SLC28A3: variants seen among roughly 807,000 people sequenced by gnomAD.
SLC28A3 encodes the protein concentrative Na(+)-nucleoside cotransporter 3.
SLC28A3 carries 68 observed loss-of-function variants against 84.2 expected under a neutral mutation model. The observed-to-expected ratio is 0.81, with a 90% confidence interval of 0.66 to 0.99. SLC28A3 has a LOEUF of 0.99. SLC28A3 is among the 50% of genes least tolerant of loss of function. SLC28A3 has a pLI of 0.00. For missense variants in SLC28A3, 712 were observed against 841.5 expected (o/e 0.85, Z 1.90); for synonymous variants, 267 against 303.6 (o/e 0.88, Z 1.25).
rs1554726630 is a variant in SLC28A3, at chr9:84,307,445, A to AACAAAAAAAG, written c.243-2101_243-2100insCTTTTTTTGT. 8.1e-4 allele frequency among the ~76,000 whole-genome samples: 118 copies of AACAAAAAAAG among 146,434 alleles called. 1 individual carries two copies. The highest frequency in any genetic ancestry group is 1.5e-3 in the South Asian group (7 of 4,628). On this transcript the variant is annotated intron_variant, in intron 3 of 17. Transcript: ENST00000376238. ...GACTCCATCTCAAAAAAAAAAAAAA[A>AACAAAAAAAG]CAAAAACAAAAACAAAAAGAAAGAA... is the stretch of plus-strand genomic sequence containing the variant.
chr9:84,320,057 T>TTTG (rs1826320361), intron 1 of SLC28A3, among the ~76,000 whole-genome samples: 2 of 135,332 alleles, frequency 1.5e-5, no homozygotes, highest in African/African-American at 5.9e-5. Context: ...TTTTTTTTTT[T>TTTG]TTTTTTTTTT....
chr9:84,310,952 A>G (rs1049181573), intron 2 of SLC28A3, among the ~76,000 whole-genome samples: 6 of 152,186 alleles, frequency 3.9e-5, no homozygotes, highest in African/African-American at 1.2e-4. Flanking sequence ...TAACATTACT[A>G]TTGTTGGCTC....
the SLC28A3 span, among the ~76,000 whole-genome samples, chr9:84,353,574 T>C: frequency 3.0e-3 from 461 of 152,104 alleles, 7 homozygotes; most frequent in African/African-American, 9.8e-3. Context: ...GCCAGGCGTG[T>C]TGATGCGCGC....
At chr9:84,348,702 G>T in the SLC28A3 span, among the ~76,000 whole-genome samples, 2 of 152,142 alleles carry the variant, frequency 1.3e-5, no homozygotes, top group African/African-American at 4.8e-5. Flanking sequence ...CCTCATAAAT[G>T]GATTAATGTG....
At chr9:84,337,022 G>C (rs113664798) in intron 1 of SLC28A3, among the ~76,000 whole-genome samples, 1 of 152,190 alleles carries the variant, frequency 6.6e-6, no homozygotes, top group Non-Finnish European at 1.5e-5. Flanking sequence ...GCTGGGTGTT[G>C]TGGCTCATGA....
chr9:84,347,204 TAAAAAAA>T, the SLC28A3 span, among the ~76,000 whole-genome samples: 14 of 62,424 alleles, frequency 2.2e-4, no homozygotes, highest in Admixed American at 3.8e-4. Context: ...AGACTCTGTC[TAAAAAAA>T]AAAAAAAAAA....
intron 12 of SLC28A3, among the ~76,000 whole-genome samples, chr9:84,287,390 T>G (rs2118120735): frequency 6.6e-6 from 1 of 152,186 alleles, no homozygotes; most frequent in African/African-American, 2.4e-5. Context: ...CACTCTGTTT[T>G]TTTTTCTTTT....
At chr9:84,329,603 T>C (rs115465219) in intron 1 of SLC28A3, among the ~76,000 whole-genome samples, 1,674 of 152,092 alleles carry the variant, frequency 0.011, 26 homozygotes, top group African/African-American at 0.038. Flanking sequence ...AAGAAATCAT[T>C]AGGGAAGTTA....
the SLC28A3 span, among the ~76,000 whole-genome samples, chr9:84,361,759 A>C: frequency 6.6e-6 from 1 of 151,862 alleles, no homozygotes; most frequent in African/African-American, 2.4e-5. Flanking sequence ...AAAAAAAAAA[A>C]ATAATAAGCT....
At chr9:84,342,127 C>CAAAAAAAAAAAAAAAAAAAAAAAA (rs200186519), upstream of SLC28A3, among the ~76,000 whole-genome samples, 4 of 68,756 alleles carry the variant, frequency 5.8e-5, no homozygotes, top group African/African-American at 1.2e-4. Flanking sequence ...GACCCTGTCT[C>CAAAAAAAAAAAAAAAAAAAAAAAA]AAAAAAAAAA....
chr9:84,292,496 TG>T, intron 10 of SLC28A3, 171 bp downstream of exon 10: 2 of 529,978 alleles, frequency 3.8e-6, no homozygotes, highest in Non-Finnish European at 6.6e-6. Context: ...TCTCTCTCTC[TG>T]TCTCTCTCTC....
chr9:84,323,426 A>AC, intron 1 of SLC28A3, among the ~76,000 whole-genome samples: 2 of 141,176 alleles, frequency 1.4e-5, no homozygotes, highest in Admixed American at 1.4e-4. Flanking sequence ...TCAGTACATG[A>AC]TTTTTTTTTT....
upstream of SLC28A3, among the ~76,000 whole-genome samples, chr9:84,344,385 C>T (rs1451847333): frequency 6.6e-6 from 1 of 151,900 alleles, no homozygotes; most frequent in African/African-American, 2.4e-5. Flanking sequence ...AACAGAATTT[C>T]ACCATGTTGG....
At position 84,320,040 on chromosome 9, in the gene SLC28A3, G is replaced by GTTTT. The variant is rs1182939298; in HGVS notation, c.61-6590_61-6587dup. Among the ~76,000 whole-genome samples the GTTTT allele has an allele frequency of 5.3e-3, 315 of 59,498 alleles. 46 individuals carry two copies. Among genetic ancestry groups the GTTTT allele is most frequent in the African/African-American group, 8.6e-3 (88 of 10,208 alleles). The allele number at this position is 59,498 out of a possible 152,430, so 39.0% of individuals were successfully genotyped here. A position where few individuals can be genotyped will look rare whatever the true frequency, so the allele number is the denominator to read the frequency against. On this transcript the variant is annotated intron_variant, in intron 1 of 17. Transcript: ENST00000376238. ...TACTCATTCCAGCCTGGCTTGCACT[G>GTTTT]TTTTTTTTTTTTTTTTTTTTTTTTT...
the SLC28A3 span, among the ~76,000 whole-genome samples, chr9:84,359,773 G>T: frequency 6.6e-6 from 1 of 152,150 alleles, no homozygotes; most frequent in Admixed American, 6.6e-5. Flanking sequence ...GCTGAGACTG[G>T]CAGGTTGCTT....
In SLC28A3 at chr9:84,279,348, A is replaced by T; in HGVS notation, c.1866T>A (p.His622Gln). ...AGTTGAAGGCATTCTCTAAAACGTG[A>T]TGGCAGTTGATGTCCACAGGAGTGC... ...LSSTPVDINC[H>Q]HVLENAFNST... is the part of the protein sequence containing the mutation. Residue 622 changes from histidine to glutamine, a missense_variant, in exon 17 of 18, where the codon CAT becomes CAA. Coordinates refer to ENST00000376238, the MANE Select transcript of SLC28A3 (RefSeq NM_001199633.2). 2 of 1,613,020 alleles carry T rather than the reference A, an allele frequency of 1.2e-6. No individual in the cohort carries two copies. Among genetic ancestry groups the T allele is most frequent in the Non-Finnish European group, 1.7e-6 (2 of 1,179,332 alleles).
At chr9:84,306,364 G>A (rs377621863) in intron 3 of SLC28A3, among the ~76,000 whole-genome samples, 4 of 152,082 alleles carry the variant, frequency 2.6e-5, no homozygotes, top group East Asian at 1.9e-4. Context: ...CAACAGTCTC[G>A]CCTGCACCTC....
At chr9:84,368,712 A>AAGG in the SLC28A3 span, among the ~76,000 whole-genome samples, 1 of 151,686 alleles carries the variant, frequency 6.6e-6, no homozygotes, top group African/African-American at 2.4e-5. Flanking sequence ...AAGAGGAAGG[A>AAGG]AGGAGTGTCT....
chr9:84,317,616 A>G (rs1434293561), intron 1 of SLC28A3, among the ~76,000 whole-genome samples: 1 of 152,050 alleles, frequency 6.6e-6, no homozygotes, highest in Non-Finnish European at 1.5e-5. Flanking sequence ...AGGTACCACC[A>G]CTGTGCTAGG....
Sources: gnomAD v4.1 joint callset for allele counts (sites outside exome capture counted in the v4.1 genomes callset) on GRCh38, gnomAD v4.1.1 for gene constraint, MANE v1.5 for transcripts, NCBI Gene and HGNC (gene_info 2026-07-23, HGNC 2026-07-21) for gene names.